The following JAK1 variants were observed in gnomAD, a reference collection of about 807,000 sequenced individuals.
JAK1 encodes tyrosine-protein kinase JAK1.
Under a neutral mutation model 136.6 loss-of-function variants are expected in JAK1, and 16 were observed. That is an observed-to-expected ratio of 0.12 (90% CI 0.08 to 0.18). JAK1 has a LOEUF of 0.18. Among genes scored for constraint, JAK1 ranks in the 10% least tolerant of loss-of-function variants. The pLI is 1.00. For missense variants in JAK1, 859 were observed against 1,450.1 expected (o/e 0.59, Z 6.62); for synonymous variants, 492 against 519.5 (o/e 0.95, Z 0.72).
At chr1:64,850,260 C>G (rs1557632152) in intron 12 of JAK1, among the ~76,000 whole-genome samples, 1 of 152,220 alleles carries the variant, frequency 6.6e-6, no homozygotes, top group Non-Finnish European at 1.5e-5. Flanking sequence ...TGGGGAGATC[C>G]TGGGCTCCCC....
intron 2 of JAK1, 28 bp downstream of exon 2, chr1:64,886,231 T>C: frequency 6.6e-7 from 1 of 1,509,064 alleles, no homozygotes; most frequent in Non-Finnish European, 9.1e-7. Flanking sequence ...GATATTTTCC[T>C]TTTTTAAAAA....
chr1:65,035,807 G>A (rs1182166861), intron 2 of JAK1, among the ~76,000 whole-genome samples: 1 of 152,132 alleles, frequency 6.6e-6, no homozygotes, highest in Non-Finnish European at 1.5e-5. Flanking sequence ...GGTGGTTCAC[G>A]CCTGTAATCC....
At chr1:65,052,454 G>T (rs1336010407) in intron 1 of JAK1, among the ~76,000 whole-genome samples, 1 of 151,962 alleles carries the variant, frequency 6.6e-6, no homozygotes, top group Non-Finnish European at 1.5e-5. Context: ...GAGGCAGGTG[G>T]ATCACCTGAG....
At chr1:65,030,163 T>C (rs1647010419) in intron 2 of JAK1, among the ~76,000 whole-genome samples, 1 of 152,104 alleles carries the variant, frequency 6.6e-6, no homozygotes, top group Non-Finnish European at 1.5e-5. Context: ...CTGCAATGTG[T>C]GAGGGCACAG....
intron 1 of JAK1, among the ~76,000 whole-genome samples, chr1:64,904,954 G>GA (rs1645167800): frequency 6.6e-6 from 1 of 152,058 alleles, no homozygotes; most frequent in South Asian, 2.1e-4. Context: ...AAACACCTGG[G>GA]AAAAATCCTT....
chr1:64,932,707 A>C (rs1645719510), intron 1 of JAK1, among the ~76,000 whole-genome samples: 1 of 152,158 alleles, frequency 6.6e-6, no homozygotes, highest in South Asian at 2.1e-4. Flanking sequence ...CACTAACGCT[A>C]TGGTTTGTTT....
At chr1:64,966,189 AGCTGCGCTCAG>A (rs1426262415) in intron 1 of JAK1, 133 bp downstream of exon 1, 5 of 151,432 alleles carry the variant, frequency 3.3e-5, no homozygotes, top group African/African-American at 9.7e-5. Context: ...CGGGGTCCTG[AGCTGCGCTCAG>A]GAGCAGCCCG....
intron 1 of JAK1, among the ~76,000 whole-genome samples, chr1:64,935,591 G>A (rs1645774989): frequency 6.6e-6 from 1 of 151,828 alleles, no homozygotes; most frequent in Admixed American, 6.6e-5. Flanking sequence ...GTGAGCCACC[G>A]CACCCAGCCC....
rs2780896 is a variant in JAK1 at position 64,845,434 on chromosome 1, C to T, written c.2115+79G>A. 407,839 of 1,549,648 alleles carry T rather than the reference C, an allele frequency of 0.26. 60,023 individuals are homozygous for T. The highest frequency in any genetic ancestry group is 0.62 in the African/African-American group (45,395 of 73,508). Reference sequence around the variant, plus strand: ...AGGACAGGCCCCTCTAGCTGCTTGGCTAGCACCTCCTTCCTGCCACCCCTC... The same window carrying T: ...AGGACAGGCCCCTCTAGCTGCTTGGTTAGCACCTCCTTCCTGCCACCCCTC... On this transcript the variant is annotated intron_variant, in intron 15 of 24. Coordinates refer to ENST00000342505, the MANE Select transcript of JAK1 (RefSeq NM_002227.4).
At chr1:64,920,589 T>C (rs1257482688) in intron 1 of JAK1, among the ~76,000 whole-genome samples, 1 of 152,064 alleles carries the variant, frequency 6.6e-6, no homozygotes, top group African/African-American at 2.4e-5. Flanking sequence ...TAAAATTAAA[T>C]TAAATTAAAT....
chr1:64,893,286 C>T (rs1056111932), intron 1 of JAK1, among the ~76,000 whole-genome samples: 5 of 152,108 alleles, frequency 3.3e-5, no homozygotes, highest in African/African-American at 9.7e-5. Flanking sequence ...AGAGCTTGTG[C>T]GAGAGCTTCT....
At chr1:65,035,320 A>C (rs1262977762) in intron 2 of JAK1, among the ~76,000 whole-genome samples, 3 of 152,192 alleles carry the variant, frequency 2.0e-5, no homozygotes, top group Non-Finnish European at 4.4e-5. Context: ...CATGAGTTCT[A>C]GTCAGAGAAT....
At chr1:64,839,863 C>A (rs1434881376) in intron 19 of JAK1, 68 bp from the exon 20 acceptor site, 21 of 1,365,128 alleles carry the variant, frequency 1.5e-5, no homozygotes, top group Non-Finnish European at 2.0e-5. Flanking sequence ...ACACAGAAGT[C>A]TTGCTCCTCA....
At chr1:64,911,658 G>A (rs964831706) in intron 1 of JAK1, among the ~76,000 whole-genome samples, 1 of 152,188 alleles carries the variant, frequency 6.6e-6, no homozygotes, top group African/African-American at 2.4e-5. Context: ...CCTGGACCCA[G>A]TCAAGTATCC....
chr1:65,045,675 C>T (rs1200618746), intron 1 of JAK1, among the ~76,000 whole-genome samples: 2 of 152,178 alleles, frequency 1.3e-5, no homozygotes, highest in Admixed American at 6.5e-5. Context: ...GAACAGCTGG[C>T]ACAAGCAGGA....
intron 2 of JAK1, among the ~76,000 whole-genome samples, chr1:65,004,432 G>C (rs510477): frequency 3.3e-5 from 5 of 152,174 alleles, no homozygotes; most frequent in African/African-American, 1.2e-4. Context: ...TGACCATCAG[G>C]GTTGATCTAA....
chr1:65,065,114 C>G (rs549218766), intron 1 of JAK1, among the ~76,000 whole-genome samples: 2 of 152,260 alleles, frequency 1.3e-5, no homozygotes, highest in African/African-American at 4.8e-5. Context: ...TTTCAAGGAG[C>G]TGGATTCCTA....
chr1:65,040,824 G>C (rs1191808139), intron 2 of JAK1, among the ~76,000 whole-genome samples: 1 of 152,166 alleles, frequency 6.6e-6, no homozygotes, highest in African/African-American at 2.4e-5. Context: ...GTCCTGCTTT[G>C]AAGGACCTCA....
At chr1:64,983,293 A>C (rs1400264724) in intron 2 of JAK1, among the ~76,000 whole-genome samples, 7 of 152,314 alleles carry the variant, frequency 4.6e-5, no homozygotes, top group African/African-American at 1.4e-4. Context: ...CCTATTGGAA[A>C]GATTCAATCC....
Sources: allele counts gnomAD v4.1 joint callset (sites outside exome capture counted in the v4.1 genomes callset), GRCh38; gene constraint gnomAD v4.1.1; transcripts MANE v1.5; gene names NCBI Gene and HGNC (gene_info 2026-07-23, HGNC 2026-07-21).